Variants in SPATA31D1 observed in about 807,000 individuals in gnomAD.
SPATA31D1 encodes spermatogenesis-associated protein 31D1.
A neutral mutation model predicts 13.2 loss-of-function variants in SPATA31D1; 6 were observed. The observed-to-expected ratio is 0.46, with a 90% CI of 0.25 to 0.90. The LOEUF (loss-of-function observed/expected upper bound fraction) is 0.90, where lower values mean the gene tolerates loss of function less well. SPATA31D1 is among the 40% of genes least tolerant of loss of function. The probability of loss-of-function intolerance (pLI) is 0.18; values close to 1 mark genes in which losing one functional copy is unlikely to be tolerated. For synonymous variants in SPATA31D1, 903 were observed against 718.8 expected (o/e 1.26, Z -4.10); for missense variants, 2,445 against 1,884.7 (o/e 1.30, Z -5.50).
In SPATA31D1 at chr9:81,993,523, A is replaced by G. The variant is rs573529124; in HGVS notation, c.3053A>G (p.Lys1018Arg). 2.5e-6 allele frequency: 4 copies of G among 1,613,632 alleles called. No homozygotes were observed. The African/African-American group carries it at 4.0e-5, about 16-fold the overall frequency. ...CATGACCTTATAGAGACAGATTCCA[A>G]AGACGGGGCCTCCACATCCCTTAGA... is the stretch of plus-strand genomic sequence containing the variant. ...TDHDLIETDS[K>R]DGASTSLRRG... is the part of the protein sequence containing the mutation. Residue 1018 changes from lysine (K) to arginine (R), a missense_variant, in exon 4 of 4, where the codon AAA becomes AGA. Coordinates refer to ENST00000344803, the MANE Select transcript of SPATA31D1 (RefSeq NM_001001670.3).
rs757364621 is a variant in SPATA31D1, at chr9:81,990,979, T to A, written c.509T>A (p.Phe170Tyr). ...ASSASATESSFTLASTPSATP... is the reference protein window; with the variant it reads ...ASSASATESSYTLASTPSATP... ...TCGGCTTCTGCGACTGAGTCATCGT[T>A]CACTCTGGCTTCCACCCCCTCAGCA... Residue 170 changes from phenylalanine to tyrosine, a missense_variant, in exon 4 of 4, where the codon TTC becomes TAC. By Grantham distance (22) the Phe-to-Tyr change is conservative (BLOSUM62 3). Transcript: ENST00000344803. 1 of 1,613,802 alleles carries A rather than the reference T, an allele frequency of 6.2e-7. No individual in the cohort carries two copies. The highest frequency in any genetic ancestry group is 1.1e-5 in the South Asian group (1 of 91,076).
At position 81,992,347 on chromosome 9, in the gene SPATA31D1, G is replaced by A. The variant is rs1364311381; in HGVS notation, c.1877G>A (p.Trp626Ter). The A allele has an allele frequency of 1.2e-6, 2 of 1,613,810 alleles. No individual in the cohort carries two copies. Among genetic ancestry groups the A allele is most frequent in the Non-Finnish European group, 8.5e-7 (1 of 1,179,734 alleles). The change falls in exon 4 of 4, where the codon TGG becomes TAG. Residue 626 changes from tryptophan (W) to a stop codon, truncating the protein, a stop_gained. Transcript: ENST00000344803. LOFTEE classifies it low-confidence loss of function (END_TRUNC). ...LLPSEINHLE[W>*]NVLQKVQESL... is the part of the protein sequence containing the mutation. ...CCATCTGAAATTAACCATCTGGAGTGGAACGTGTTGCAGAAAGTGCAGGAA... is the reference window on the plus strand; with the variant it reads ...CCATCTGAAATTAACCATCTGGAGTAGAACGTGTTGCAGAAAGTGCAGGAA...
At chr9:81,989,971 A>G (rs1824919134) in intron 2 of SPATA31D1, 148 bp downstream of exon 2, 4 of 870,714 alleles carry the variant, frequency 4.6e-6, no homozygotes, top group Non-Finnish European at 7.0e-6. Context: ...TGGGAAAGCA[A>G]TCAGACCTGA....
At chr9:81,988,495 G>T (rs1416627091), upstream of SPATA31D1, among the ~76,000 whole-genome samples, 1 of 152,126 alleles carries the variant, frequency 6.6e-6, no homozygotes, top group African/African-American at 2.4e-5. Flanking sequence ...CAAGTTAAGA[G>T]CTCCAAACAG....
Position 81,992,986 on chromosome 9 carries a change from A to T in SPATA31D1, c.2516A>T (p.Glu839Val). ...ALTVRLSKKF[E>V]EINEGRMPGT... ...ACAGTACGTTTGAGCAAGAAATTTGAGGAAATCAATGAGGGTCGAATGCCT... is the reference window on the plus strand; with the variant it reads ...ACAGTACGTTTGAGCAAGAAATTTGTGGAAATCAATGAGGGTCGAATGCCT... The change falls in exon 4 of 4, where the codon GAG becomes GTG. Residue 839 changes from glutamate (E) to valine (V), a missense_variant. By Grantham distance (121) the Glu-to-Val change is moderately radical. Transcript: ENST00000344803. 1 of 1,613,812 alleles carries T rather than the reference A, an allele frequency of 6.2e-7. No individual in the cohort carries two copies. The highest frequency in any genetic ancestry group is 8.5e-7 in the Non-Finnish European group (1 of 1,179,734).
At chr9:81,989,483 A>G (rs1327538104) in intron 1 of SPATA31D1, among the ~76,000 whole-genome samples, 4 of 152,288 alleles carry the variant, frequency 2.6e-5, no homozygotes, top group South Asian at 2.1e-4. Flanking sequence ...CACTTGTCCC[A>G]TGAGGGAGCA....
intron 1 of SPATA31D1, 94 bp from the exon 2 acceptor site, chr9:81,989,684 T>G (rs1356039809): frequency 1.6e-6 from 2 of 1,217,462 alleles, no homozygotes; most frequent in Admixed American, 1.9e-5. Context: ...TATTCTTGTA[T>G]AATGAATGAA....
Position 81,993,934 on chromosome 9 carries a change from C to A in SPATA31D1, c.3464C>A (p.Ser1155Ter). The change falls in exon 4 of 4, where the codon TCA (serine) becomes TAA (stop). Residue 1155 changes from serine to a stop codon, truncating the protein, a stop_gained. Transcript: ENST00000344803. LOFTEE classifies it low-confidence loss of function (END_TRUNC). The stretch of plus-strand genomic sequence containing the variant: ...TTTCCTGTCACCAATGCTCTTCAAT[C>A]ACAAACTAGGAACAACTTGACAACC... ...KTFPVTNALQ[S>*]QTRNNLTTSK... 1.2e-6 allele frequency: 2 copies of A among 1,613,860 alleles called. No individual in the cohort carries two copies. Among genetic ancestry groups the A allele is most frequent in the Non-Finnish European group, 1.7e-6 (2 of 1,179,786 alleles).
At chr9:81,990,159 C>T (rs1388433673) in intron 2 of SPATA31D1, 3 of 526,616 alleles carry the variant, frequency 5.7e-6, no homozygotes, top group Admixed American at 3.4e-5. Context: ...CCTCAATGCT[C>T]GGATTCCTCC....
In SPATA31D1 at chr9:81,995,198, A is replaced by G. The variant is rs1460171613; in HGVS notation, c.4728A>G (p.Lys1576=). 2 of 1,516,600 alleles carry G rather than the reference A, an allele frequency of 1.3e-6. No homozygotes were observed. Among genetic ancestry groups the G allele is most frequent in the South Asian group, 1.2e-5 (1 of 80,422 alleles). The allele number at this position is 1,516,600 out of a possible 1,614,324, so 93.9% of individuals were successfully genotyped here. ...AGGGAGGAAAATTTCCCCCCACAAA[A>G]TAATTCACTCCTTGTTGAGAATCTT... ...HLQGGKFPPT[K] The change falls in exon 4 of 4, where the codon AAA becomes AAG. Residue 1576 remains lysine (K), a synonymous_variant. Coordinates refer to ENST00000344803, the MANE Select transcript of SPATA31D1 (RefSeq NM_001001670.3).
rs752684622 is a variant in SPATA31D1, at chr9:81,992,498, T to C, written c.2028T>C (p.Asp676=). The C allele has an allele frequency of 6.2e-7, 1 of 1,611,964 alleles. No individual in the cohort carries two copies. Among genetic ancestry groups the C allele is most frequent in the Non-Finnish European group, 8.5e-7 (1 of 1,179,720 alleles). The change falls in exon 4 of 4, where the codon GAT becomes GAC. Residue 676 remains aspartate, a synonymous_variant. Coordinates refer to ENST00000344803, the MANE Select transcript of SPATA31D1 (RefSeq NM_001001670.3). ...TTCCGATCTCCATCATTCCTGGAGATTTTCCACTCAGCTCTGAGGTAAGGA... is the reference window on the plus strand; with the variant it reads ...TTCCGATCTCCATCATTCCTGGAGACTTTCCACTCAGCTCTGAGGTAAGGA... ...VHVPISIIPG[D]FPLSSEVRKK...
Position 81,990,800 on chromosome 9 carries a change from T to G in SPATA31D1, c.330T>G (p.Pro110=). The change falls in exon 4 of 4, where the codon CCT becomes CCG. Residue 110 remains proline (P), a synonymous_variant. Transcript: ENST00000344803. The part of the protein sequence containing the change: ...KSFGPPVSCS[P]RGQHHDTNHF... ...TTGGACCTCCTGTTTCCTGCAGTCC[T>G]CGGGGCCAGCATCATGATACCAACC... 1 of 1,612,632 alleles carries G rather than the reference T, an allele frequency of 6.2e-7. No individual in the cohort carries two copies. Among genetic ancestry groups the G allele is most frequent in the South Asian group, 1.1e-5 (1 of 90,766 alleles).
intron 3 of SPATA31D1, 92 bp downstream of exon 3, chr9:81,990,578 G>A (rs1016463907): frequency 2.8e-6 from 4 of 1,406,484 alleles, no homozygotes; most frequent in African/African-American, 2.9e-5. Flanking sequence ...GTAGCCTGCT[G>A]TAGTTTTGGG....
At chr9:81,987,419 G>A (rs1319699252), upstream of SPATA31D1, among the ~76,000 whole-genome samples, 3 of 152,104 alleles carry the variant, frequency 2.0e-5, no homozygotes, top group Non-Finnish European at 4.4e-5. Flanking sequence ...CATAACTGCT[G>A]CTAATTGGAG....
At position 81,992,207 on chromosome 9, in the gene SPATA31D1, G is replaced by A. The variant is rs1257143480; in HGVS notation, c.1737G>A (p.Lys579=). ...AGTCCCCACATCTCACTCAGGTGAA[G>A]TCCCTGGCTCAACCTCAATCTCCAT... ...QGQSPHLTQV[K]SLAQPQSPFR... is the part of the protein sequence containing the mutation. Residue 579 remains lysine, a synonymous_variant, in exon 4 of 4, where the codon AAG becomes AAA. Transcript: ENST00000344803. The A allele has an allele frequency of 6.2e-7, 1 of 1,613,728 alleles. No homozygotes were observed. The highest frequency in any genetic ancestry group is 1.7e-5 in the Admixed American group (1 of 60,012).
At chr9:81,988,244 T>C (rs1323707539), upstream of SPATA31D1, among the ~76,000 whole-genome samples, 1 of 152,192 alleles carries the variant, frequency 6.6e-6, no homozygotes, top group East Asian at 1.9e-4. Context: ...TTTGAGACAG[T>C]CACTCTGATT....
At position 81,991,641 on chromosome 9, in the gene SPATA31D1, G is replaced by C; in HGVS notation, c.1171G>C (p.Gly391Arg). ...CCTTCATTCTTCTGAGGCCTTTTTAGGGGGGCACTCTGTGGCCAACCTCAT... is the reference window on the plus strand; with the variant it reads ...CCTTCATTCTTCTGAGGCCTTTTTACGGGGGCACTCTGTGGCCAACCTCAT... ...LTLHSSEAFLGGHSVANLIEP... is the reference protein window; with the variant it reads ...LTLHSSEAFLRGHSVANLIEP... Residue 391 changes from glycine (G) to arginine (R), a missense_variant, in exon 4 of 4, where the codon GGG (glycine) becomes CGG (arginine). Coordinates refer to ENST00000344803, the MANE Select transcript of SPATA31D1 (RefSeq NM_001001670.3). 1 of 1,613,880 alleles carries C rather than the reference G, an allele frequency of 6.2e-7. No individual in the cohort carries two copies. Among genetic ancestry groups the C allele is most frequent in the Non-Finnish European group, 8.5e-7 (1 of 1,179,884 alleles).
At position 81,992,949 on chromosome 9, in the gene SPATA31D1, G is replaced by C; in HGVS notation, c.2479G>C (p.Glu827Gln). 6.2e-7 allele frequency: 1 copy of C among 1,613,756 alleles called. No individual in the cohort carries two copies. The highest frequency in any genetic ancestry group is 1.1e-5 in the South Asian group (1 of 91,080). The change falls in exon 4 of 4, where the codon GAA (glutamate) becomes CAA (glutamine). Residue 827 changes from glutamate to glutamine, a missense_variant. Glu to Gln is a conservative substitution (Grantham distance 29). Coordinates refer to ENST00000344803, the MANE Select transcript of SPATA31D1 (RefSeq NM_001001670.3). Reference sequence around the variant, plus strand: ...GGTGAGACTAGGTCAGAAACAACTTGAAAATGCCCTGACAGTACGTTTGAG... The same window carrying C: ...GGTGAGACTAGGTCAGAAACAACTTCAAAATGCCCTGACAGTACGTTTGAG... ...SGVRLGQKQL[E>Q]NALTVRLSKK... is the part of the protein sequence containing the mutation.
chr9:81,994,998 C>G lies in SPATA31D1; in HGVS notation c.4528C>G (p.Leu1510Val), dbSNP rs12341627. 21 of 1,613,630 alleles carry G rather than the reference C, an allele frequency of 1.3e-5. No homozygotes were observed. The highest frequency in any genetic ancestry group is 1.8e-5 in the Non-Finnish European group (21 of 1,179,818). The change falls in exon 4 of 4, where the codon CTG (leucine) becomes GTG (valine). Residue 1510 changes from leucine to valine, a missense_variant. Leu to Val is a conservative substitution (Grantham distance 32, BLOSUM62 1). Transcript: ENST00000344803. ...AGTTGAGGCATTTAAGGGGAAGATA[C>G]TGTGTCAAAGCCATCCCCAATCCAT... ...QKVEAFKGKI[L>V]CQSHPQSMPH...
Sources: gnomAD v4.1 joint callset for allele counts (sites outside exome capture counted in the v4.1 genomes callset) on GRCh38, gnomAD v4.1.1 for gene constraint, MANE v1.5 for transcripts, NCBI Gene and HGNC (gene_info 2026-07-23, HGNC 2026-07-21) for gene names.